UQCR11: variants seen among roughly 807,000 people sequenced by gnomAD.
UQCR11 encodes cytochrome b-c1 complex subunit 10.
UQCR11 carries 10 observed loss-of-function variants against 7.6 expected under a neutral mutation model. That is an observed-to-expected ratio of 1.31 (90% CI 0.81 to 2.22). The LOEUF (loss-of-function observed/expected upper bound fraction) is 2.22. Among genes scored for constraint, UQCR11 ranks in the 30% most tolerant of loss-of-function variants. The pLI is 0.00. For synonymous variants in UQCR11, 34 were observed against 34.9 expected, an observed-to-expected ratio of 0.97 and a Z score of 0.09; for missense variants, 86 against 75.1, an observed-to-expected ratio of 1.15 and a Z score of -0.54.
At position 1,599,518 on chromosome 19, in the gene UQCR11, C is replaced by CCCCACGGCG. The variant is rs1346397418; in HGVS notation, c.84_92dup (p.Ala29_Gly31dup). 3 of 1,612,884 alleles carry CCCCACGGCG rather than the reference C, an allele frequency of 1.9e-6. No individual in the cohort carries two copies. The highest frequency in any genetic ancestry group is 2.5e-6 in the Non-Finnish European group (3 of 1,180,000). Reference sequence around the variant, plus strand: ...GCCGCCAATCGGTGGCCCACACCAGCCCCACGGCGCCCACAGCGCCCCATG... The same window carrying CCCCACGGCG: ...GCCGCCAATCGGTGGCCCACACCAGCCCCACGGCGCCCACGGCGCCCACAGCGCCCCATG... On this transcript the variant is annotated inframe_insertion, in exon 2 of 3. Coordinates refer to ENST00000591899, the MANE Select transcript of UQCR11 (RefSeq NM_006830.4).
intron 1 of UQCR11, among the ~76,000 whole-genome samples, chr19:1,600,209 CTTTTTT>C (rs751453784): frequency 1.6e-5 from 2 of 121,350 alleles, no homozygotes; most frequent in African/African-American, 6.0e-5. Flanking sequence ...GCACAGGCTT[CTTTTTT>C]TTTTTTTTTT....
At chr19:1,600,208 TC>T (rs2060743314) in intron 1 of UQCR11, among the ~76,000 whole-genome samples, 1 of 149,170 alleles carries the variant, frequency 6.7e-6, no homozygotes, top group African/African-American at 2.4e-5. Context: ...GGCACAGGCT[TC>T]TTTTTTTTTT....
At chr19:1,605,314 G>C in intron 1 of UQCR11, 46 bp downstream of exon 1, 1 of 1,540,148 alleles carries the variant, frequency 6.5e-7, no homozygotes, top group Non-Finnish European at 8.7e-7. Flanking sequence ...GCGCGGGGCT[G>C]GGCCGAGGCG....
chr19:1,601,820 G>A (rs2145621254), intron 1 of UQCR11, among the ~76,000 whole-genome samples: 1 of 152,234 alleles, frequency 6.6e-6, no homozygotes, highest in East Asian at 1.9e-4. Flanking sequence ...CACAGCACTA[G>A]ATAACAATTG....
chr19:1,599,241 C>T, intron 2 of UQCR11, 171 bp downstream of exon 2: 1 of 808,058 alleles, frequency 1.2e-6, no homozygotes, highest in Non-Finnish European at 1.9e-6. Context: ...AGTTCTGTGC[C>T]CGTGGGCCGG....
intron 2 of UQCR11, among the ~76,000 whole-genome samples, chr19:1,598,646 G>A (rs1440957996): frequency 6.6e-6 from 1 of 152,248 alleles, no homozygotes; most frequent in African/African-American, 2.4e-5. Context: ...GGAAGGCAGA[G>A]GGTGCAGTGA....
intron 1 of UQCR11, among the ~76,000 whole-genome samples, chr19:1,600,370 C>T (rs944892089): frequency 2.0e-5 from 3 of 152,112 alleles, no homozygotes; most frequent in Admixed American, 6.6e-5. Context: ...CCCGTCACTG[C>T]GCCTGGCTAA....
chr19:1,601,648 C>T (rs1420271200), intron 1 of UQCR11, among the ~76,000 whole-genome samples: 3 of 151,080 alleles, frequency 2.0e-5, no homozygotes, highest in South Asian at 2.1e-4. Context: ...CCAACAACCC[C>T]GTGAGTGATC....
At chr19:1,605,224 C>T (rs1299989186) in intron 1 of UQCR11, 136 bp downstream of exon 1, 4 of 1,108,312 alleles carry the variant, frequency 3.6e-6, no homozygotes, top group Non-Finnish European at 4.9e-6. Flanking sequence ...CAGTTTCCCC[C>T]TCTGTCACCG....
At chr19:1,604,133 CG>C (rs1568283477) in intron 1 of UQCR11, among the ~76,000 whole-genome samples, 2 of 152,114 alleles carry the variant, frequency 1.3e-5, no homozygotes. Context: ...TCAGTAGAGA[CG>C]GGGTTTCTCC....
Position 1,605,432 on chromosome 19 carries a change from G to A in UQCR11, c.-23C>T, listed in dbSNP as rs763025760. The A allele has an allele frequency of 1.3e-6, 2 of 1,506,000 alleles. No homozygotes were observed. Among genetic ancestry groups the A allele is most frequent in the East Asian group, 2.9e-5 (1 of 34,574 alleles). 93.3% of individuals were successfully genotyped at this position (1,506,000 alleles called of 1,614,324 possible). A position where few individuals can be genotyped will look rare whatever the true frequency, so the allele number is the denominator to read the frequency against. ...CATCGCGGCGGAGTCGCACCCTCAG[G>A]ATGACCCTGTCCAGCTGACCCGGCT... is the stretch of plus-strand genomic sequence containing the variant. On this transcript the variant is annotated 5_prime_UTR_variant, in exon 1 of 3. Transcript: ENST00000591899.
intron 1 of UQCR11, among the ~76,000 whole-genome samples, chr19:1,601,367 G>A (rs919648053): frequency 2.6e-5 from 4 of 151,960 alleles, no homozygotes; most frequent in African/African-American, 9.7e-5. Context: ...CTTTGGGAGG[G>A]TGAGGTGGGC....
intron 1 of UQCR11, 110 bp downstream of exon 1, chr19:1,605,250 C>T (rs999045840): frequency 1.2e-5 from 16 of 1,307,356 alleles, no homozygotes; most frequent in Non-Finnish European, 1.3e-5. Flanking sequence ...AACAAGGGAC[C>T]TGGGCCCGGC....
At chr19:1,604,865 G>T (rs1488497573) in intron 1 of UQCR11, among the ~76,000 whole-genome samples, 2 of 152,246 alleles carry the variant, frequency 1.3e-5, no homozygotes, top group African/African-American at 4.8e-5. Context: ...GGAAACACCA[G>T]ACAACCCTAC....
At chr19:1,600,693 G>A (rs993583958) in intron 1 of UQCR11, among the ~76,000 whole-genome samples, 2 of 152,106 alleles carry the variant, frequency 1.3e-5, no homozygotes, top group African/African-American at 2.4e-5. Context: ...ACAACAGAGT[G>A]AGACCCCATC....
At chr19:1,600,209 C>CTTTTT (rs751453784) in intron 1 of UQCR11, among the ~76,000 whole-genome samples, 4 of 121,348 alleles carry the variant, frequency 3.3e-5, no homozygotes, top group African/African-American at 6.0e-5. Context: ...GCACAGGCTT[C>CTTTTT]TTTTTTTTTT....
At chr19:1,598,650 G>A (rs1323414247) in intron 2 of UQCR11, among the ~76,000 whole-genome samples, 1 of 152,242 alleles carries the variant, frequency 6.6e-6, no homozygotes, top group Admixed American at 6.5e-5. Context: ...GGCAGAGGGT[G>A]CAGTGAGCTG....
chr19:1,602,815 C>G (rs1387155295), intron 1 of UQCR11, among the ~76,000 whole-genome samples: 2 of 152,206 alleles, frequency 1.3e-5, no homozygotes, highest in Non-Finnish European at 2.9e-5. Context: ...CCTCCGCCTC[C>G]CCTATCATCC....
At chr19:1,599,044 T>C (rs758741721) in intron 2 of UQCR11, 1 of 240,134 alleles carries the variant, frequency 4.2e-6, no homozygotes, top group Non-Finnish European at 8.4e-6. Context: ...CAAGAGCTCA[T>C]GGGGTGTCCA....
Sources: allele counts gnomAD v4.1 joint callset (sites outside exome capture counted in the v4.1 genomes callset), GRCh38; gene constraint gnomAD v4.1.1; transcripts MANE v1.5; gene names NCBI Gene and HGNC (gene_info 2026-07-23, HGNC 2026-07-21).